The following EPHA7 variants were observed in gnomAD, a reference collection of about 807,000 sequenced individuals.
EPHA7 encodes the protein ephrin type-A receptor 7.
EPHA7 carries 25 observed loss-of-function variants against 112.6 expected under a neutral mutation model. That is an observed-to-expected ratio of 0.22 (90% CI 0.16 to 0.31). EPHA7 has a LOEUF of 0.31. Ranked by LOEUF, EPHA7 falls within the 10% of genes least tolerant of loss-of-function variation. The probability of loss-of-function intolerance (pLI) is 1.00; values close to 1 mark genes in which losing one functional copy is unlikely to be tolerated. For synonymous variants in EPHA7, 437 were observed against 406.5 expected (o/e 1.07, Z -0.90); for missense variants, 962 against 1,212.6 (o/e 0.79, Z 3.07).
At chr6:93,293,634 A>G (rs1303016784) in intron 5 of EPHA7, among the ~76,000 whole-genome samples, 4 of 152,128 alleles carry the variant, frequency 2.6e-5, no homozygotes, top group Non-Finnish European at 1.5e-5. Flanking sequence ...GACAATATCA[A>G]CTCCCAAGAC....
At chr6:93,288,001 C>T (rs920958171) in intron 5 of EPHA7, among the ~76,000 whole-genome samples, 1 of 152,132 alleles carries the variant, frequency 6.6e-6, no homozygotes, top group Admixed American at 6.6e-5. Flanking sequence ...CAAAGTGGTG[C>T]AGCCACTATG....
chr6:93,366,930 A>AT (rs1201991479), intron 3 of EPHA7, among the ~76,000 whole-genome samples: 1 of 151,984 alleles, frequency 6.6e-6, no homozygotes, highest in Non-Finnish European at 1.5e-5. Context: ...AGTTCACCCC[A>AT]TAGATTAAAA....
At chr6:93,379,086 G>C (rs1047780968) in intron 3 of EPHA7, among the ~76,000 whole-genome samples, 1 of 151,938 alleles carries the variant, frequency 6.6e-6, no homozygotes, top group Non-Finnish European at 1.5e-5. Context: ...AGTAATACAA[G>C]AAAAAGAAAT....
intron 5 of EPHA7, among the ~76,000 whole-genome samples, chr6:93,281,476 C>G (rs1771734490): frequency 6.6e-6 from 1 of 152,090 alleles, no homozygotes; most frequent in Non-Finnish European, 1.5e-5. Flanking sequence ...GCTTTAATGA[C>G]AAAATAATCA....
chr6:93,385,513 A>G (rs2127975544), intron 3 of EPHA7, among the ~76,000 whole-genome samples: 1 of 152,022 alleles, frequency 6.6e-6, no homozygotes, highest in South Asian at 2.1e-4. Flanking sequence ...AAAATAAAAA[A>G]CCCTATATTT....
At chr6:93,253,221 C>A (rs1770293464) in intron 14 of EPHA7, among the ~76,000 whole-genome samples, 1 of 151,956 alleles carries the variant, frequency 6.6e-6, no homozygotes, top group South Asian at 2.1e-4. Context: ...TGAGACCTGT[C>A]AAATATTAAC....
intron 3 of EPHA7, among the ~76,000 whole-genome samples, chr6:93,366,649 G>A (rs930129996): frequency 1.4e-4 from 22 of 152,150 alleles, no homozygotes; most frequent in African/African-American, 5.3e-4. Context: ...CATCCACACG[G>A]CACCCCTGAT....
rs410272 is a variant in EPHA7 at position 93,310,891 on chromosome 6, C to T, written c.1325-38469G>A. Among the ~76,000 whole-genome samples, 1,383 of 152,108 alleles carry T rather than the reference C, an allele frequency of 9.1e-3. 30 individuals are homozygous for T. Among genetic ancestry groups the T allele is most frequent in the Admixed American group, 0.04 (615 of 15,260 alleles). ...AAGGTTGGGGTGGCTGTCATAATTT[C>T]TTAAAACAACAGTGATGTTTGCTGC... is the stretch of plus-strand genomic sequence containing the variant. On this transcript the variant is annotated intron_variant, in intron 5 of 16. Coordinates refer to ENST00000369303, the MANE Select transcript of EPHA7 (RefSeq NM_004440.4).
intron 3 of EPHA7, among the ~76,000 whole-genome samples, chr6:93,358,775 A>G (rs1776091718): frequency 6.6e-6 from 1 of 152,210 alleles, no homozygotes; most frequent in African/African-American, 2.4e-5. Flanking sequence ...GTTGGTCTGC[A>G]TTAGAACACT....
At chr6:93,376,117 G>A (rs977182651) in intron 3 of EPHA7, among the ~76,000 whole-genome samples, 1 of 151,890 alleles carries the variant, frequency 6.6e-6, no homozygotes, top group Non-Finnish European at 1.5e-5. Flanking sequence ...AATTATCAGG[G>A]GACACATTTT....
rs550390483 is a variant in EPHA7, at chr6:93,299,364, A to G, written c.1325-26942T>C. ...AAAATAAAATAAAATAAAGAAAAAA[A>G]AAAGAAGAAAGAAAAAAAGCTCAAT... On this transcript the variant is annotated intron_variant, in intron 5 of 16. Coordinates refer to ENST00000369303, the MANE Select transcript of EPHA7 (RefSeq NM_004440.4). 3.3e-5 allele frequency among the ~76,000 whole-genome samples: 5 copies of G among 151,672 alleles called. No homozygotes were observed. In the South Asian group the frequency reaches 1.0e-3, roughly 31 times the overall value.
chr6:93,324,637 G>A (rs370688079), intron 5 of EPHA7, among the ~76,000 whole-genome samples: 24 of 151,508 alleles, frequency 1.6e-4, no homozygotes, highest in African/African-American at 4.8e-4. Flanking sequence ...AAAAATATGC[G>A]TGTAAGTGTG....
intron 5 of EPHA7, among the ~76,000 whole-genome samples, chr6:93,276,738 G>A (rs1359124678): frequency 6.6e-6 from 1 of 151,950 alleles, no homozygotes; most frequent in African/African-American, 2.4e-5. Context: ...GAAATAGCAT[G>A]GAATCAAGGA....
At chr6:93,355,230 T>C (rs1304985751) in intron 5 of EPHA7, among the ~76,000 whole-genome samples, 1 of 152,182 alleles carries the variant, frequency 6.6e-6, no homozygotes, top group Non-Finnish European at 1.5e-5. Flanking sequence ...TTCTATGTTT[T>C]ACCTCCCGAT....
At chr6:93,282,744 C>T (rs1385777551) in intron 5 of EPHA7, among the ~76,000 whole-genome samples, 5 of 152,130 alleles carry the variant, frequency 3.3e-5, no homozygotes, top group Admixed American at 1.3e-4. Flanking sequence ...CACTCAGAGC[C>T]GCGGGACCTG....
In EPHA7 at chr6:93,370,158, C is replaced by A. The variant is rs562777399; in HGVS notation, c.833-11747G>T. On this transcript the variant is annotated intron_variant, in intron 3 of 16. Transcript: ENST00000369303. Reference sequence around the variant, plus strand: ...ATTTTAGGAGCATATAATTGAATACCTTCTCTGAACACAGGGGAGAAAAGG... The same window carrying A: ...ATTTTAGGAGCATATAATTGAATACATTCTCTGAACACAGGGGAGAAAAGG... 8.5e-5 allele frequency among the ~76,000 whole-genome samples: 13 copies of A among 152,218 alleles called. No individual in the cohort carries two copies. In the South Asian group the frequency reaches 2.7e-3, roughly 32 times the overall value.
At chr6:93,365,781 T>A (rs1025743960) in intron 3 of EPHA7, among the ~76,000 whole-genome samples, 1 of 152,196 alleles carries the variant, frequency 6.6e-6, no homozygotes, top group Non-Finnish European at 1.5e-5. Context: ...ATAAAGTTTT[T>A]CATAACAGGT....
chr6:93,246,208 C>T (rs979330342), intron 15 of EPHA7, among the ~76,000 whole-genome samples: 4 of 151,890 alleles, frequency 2.6e-5, no homozygotes, highest in South Asian at 2.1e-4. Context: ...CCCGCCACCA[C>T]GCCCAGCTAA....
In EPHA7 at chr6:93,358,241, C is replaced by T; in HGVS notation, c.988+15G>A. On this transcript the variant is annotated intron_variant, in intron 4 of 16. Transcript: ENST00000369303. ...AAGGGATTGGAAAGTCCTTTACTTT[C>T]ATAATACAACTCACTTGTGCACGCA... 1 of 1,583,596 alleles carries T rather than the reference C, an allele frequency of 6.3e-7. No individual in the cohort carries two copies.
Sources: gnomAD v4.1 joint callset for allele counts (sites outside exome capture counted in the v4.1 genomes callset) on GRCh38, gnomAD v4.1.1 for gene constraint, MANE v1.5 for transcripts, NCBI Gene and HGNC (gene_info 2026-07-23, HGNC 2026-07-21) for gene names.